TRRAP: variants seen among roughly 807,000 people sequenced by gnomAD.
TRRAP encodes transformation/transcription domain associated protein.
In TRRAP, 41 loss-of-function variants were observed where a neutral mutation model predicts 438.8. The ratio of observed to expected loss-of-function variants is 0.09; its 90% CI spans 0.07 to 0.12. The LOEUF is 0.12. Among genes scored for constraint, TRRAP ranks in the 10% least tolerant of loss-of-function variants. The pLI, the probability that TRRAP is intolerant of heterozygous loss-of-function variation, is 1.00. For synonymous variants in TRRAP, 1,994 were observed against 1,962.9 expected, an observed-to-expected ratio of 1.02 and a Z score of -0.42; for missense variants, 3,122 against 5,055.1, an observed-to-expected ratio of 0.62 and a Z score of 11.60.
Position 98,890,437 on chromosome 7 carries a change from C to G in TRRAP, c.253C>G (p.Pro85Ala). The change falls in exon 4 of 73, where the codon CCA becomes GCA. Residue 85 changes from proline to alanine, a missense_variant. Around this residue, in one of 24 missense-constraint regions of TRRAP, gnomAD observed 343 missense variants for 564.0 expected, o/e 0.61. Coordinates refer to ENST00000456197, the MANE Select transcript of TRRAP (RefSeq NM_001375524.1). ...AGAAGTTCAGTTTCTTCAGGAGAAA[C>G]CAGCACAGGTAATGTAAAAAAATAA... ...DGEVQFLQEKPAQQLRKLVLE... is the reference protein window; with the variant it reads ...DGEVQFLQEKAAQQLRKLVLE... 1 of 1,588,736 alleles carries G rather than the reference C, an allele frequency of 6.3e-7. No individual in the cohort carries two copies. Among genetic ancestry groups the G allele is most frequent in the Non-Finnish European group, 8.5e-7 (1 of 1,170,000 alleles).
At position 98,993,653 on chromosome 7, in the gene TRRAP, G is replaced by A; in HGVS notation, c.9963G>A (p.Gln3321=). The A allele has an allele frequency of 6.2e-7, 1 of 1,614,232 alleles. No individual in the cohort carries two copies. The highest frequency in any genetic ancestry group is 8.5e-7 in the Non-Finnish European group (1 of 1,180,046). Residue 3321 remains glutamine, a synonymous_variant, in exon 66 of 73, where the codon CAG becomes CAA. Transcript: ENST00000456197. ...MWRCSRIMHM[Q]RELHPTLLSS... ...GCTGCAGCCGAATCATGCACATGCAGCGAGAGCTCCACCCCACCCTTCTGT... is the reference window on the plus strand; with the variant it reads ...GCTGCAGCCGAATCATGCACATGCAACGAGAGCTCCACCCCACCCTTCTGT...
At chr7:98,909,056 T>TCTCAC in intron 14 of TRRAP, 94 bp downstream of exon 14, 1 of 1,187,960 alleles carries the variant, frequency 8.4e-7, no homozygotes, top group Admixed American at 2.5e-5. Context: ...CAGATCCTTG[T>TCTCAC]TCTGTTGCCT....
rs542944597 is a variant in TRRAP at position 99,012,478 on chromosome 7, G to A, written c.*123G>A. ...AAGCCCCATAGTTTCACTGGGTTGCGGTTATTTTCCTGGTAGTTTGCGTGT... is the reference window on the plus strand; with the variant it reads ...AAGCCCCATAGTTTCACTGGGTTGCAGTTATTTTCCTGGTAGTTTGCGTGT... On this transcript the variant is annotated 3_prime_UTR_variant, in exon 73 of 73. Transcript: ENST00000456197. This position sits in a 1 kb window ranked among gnomAD's most constrained non-coding sequence, Gnocchi z 5.9. 7.3e-5 allele frequency: 89 copies of A among 1,225,786 alleles called. 1 individual carries two copies. The South Asian group carries it at 1.1e-3, about 15-fold the overall frequency. The allele number at this position is 1,225,786 out of a possible 1,614,324, so 75.9% of individuals were successfully genotyped here. A position where few individuals can be genotyped will look rare whatever the true frequency, so the allele number is the denominator to read the frequency against.
At chr7:98,977,382 G>T (rs1206741912) in intron 56 of TRRAP, among the ~76,000 whole-genome samples, 1 of 152,102 alleles carries the variant, frequency 6.6e-6, no homozygotes, top group Non-Finnish European at 1.5e-5. Flanking sequence ...TGCTGGTCTC[G>T]AACTCCTGAC....
At chr7:98,964,582 G>A (rs761109208) in intron 47 of TRRAP, 47 bp from the exon 48 acceptor site, 59 of 1,589,864 alleles carry the variant, frequency 3.7e-5, no homozygotes, top group African/African-American at 1.8e-4. Flanking sequence ...TCTGTTTTTC[G>A]TGGTTGTTAC....
At chr7:98,900,586 T>G (rs782519155) in intron 10 of TRRAP, 38 bp from the exon 11 acceptor site, 1 of 1,542,262 alleles carries the variant, frequency 6.5e-7, no homozygotes, top group Non-Finnish European at 8.9e-7. Context: ...ACATCACTCA[T>G]AATTGAGAGG....
intron 3 of TRRAP, among the ~76,000 whole-genome samples, chr7:98,888,500 G>T (rs1451530793): frequency 3.3e-5 from 5 of 152,170 alleles, no homozygotes; most frequent in Non-Finnish European, 5.9e-5. Flanking sequence ...TCACGCCATT[G>T]CACTCCAGCC....
intron 41 of TRRAP, among the ~76,000 whole-genome samples, chr7:98,955,879 T>C (rs150692999): frequency 0.012 from 1,876 of 152,262 alleles, 22 homozygotes; most frequent in Non-Finnish European, 0.016. Flanking sequence ...TGAAGAGAAT[T>C]TGATTTTTCA....
chr7:98,962,472 C>G, intron 47 of TRRAP, 45 bp downstream of exon 47: 15 of 1,612,732 alleles, frequency 9.3e-6, no homozygotes, highest in Non-Finnish European at 1.3e-5. Context: ...TCAGTTTGGC[C>G]TCTTTCCCCG....
In TRRAP at chr7:98,930,268, T is replaced by C. The variant is rs1235928869; in HGVS notation, c.3393+62T>C. ...GGTGTCTGTACCTGAGAGTGGTCCT[T>C]CTAGAAACTGATAGTTTAAGAATTG... On this transcript the variant is annotated intron_variant, in intron 24 of 72. Transcript: ENST00000456197. 7 of 1,568,880 alleles carry C rather than the reference T, an allele frequency of 4.5e-6. No individual in the cohort carries two copies. In the Admixed American group the frequency reaches 1.0e-4, roughly 24 times the overall value.
intron 45 of TRRAP, among the ~76,000 whole-genome samples, chr7:98,959,772 C>T (rs1791794509): frequency 1.3e-5 from 2 of 151,798 alleles, no homozygotes; most frequent in African/African-American, 4.8e-5. Flanking sequence ...AAAGAGAAGA[C>T]AGAAAATTAG....
At chr7:98,962,948 A>G (rs1408771603) in intron 47 of TRRAP, among the ~76,000 whole-genome samples, 1 of 152,186 alleles carries the variant, frequency 6.6e-6, no homozygotes, top group Non-Finnish European at 1.5e-5. Context: ...TTTGTGGCAG[A>G]CACATGTCTT....
At chr7:98,978,185 G>A (rs1486628723) in intron 56 of TRRAP, 26 bp from the exon 57 acceptor site, 2 of 1,572,446 alleles carry the variant, frequency 1.3e-6, no homozygotes, top group South Asian at 2.2e-5. Context: ...GTTAAACAGT[G>A]ATTTAAAAAC....
intron 2 of TRRAP, chr7:98,881,625 G>A (rs1265092259): frequency 3.5e-6 from 1 of 288,468 alleles, no homozygotes; most frequent in Non-Finnish European, 6.5e-6. Context: ...TCTCAGCTCA[G>A]ATGTTGTGTA....
intron 53 of TRRAP, among the ~76,000 whole-genome samples, chr7:98,973,489 A>G (rs536250034): frequency 2.0e-5 from 3 of 152,296 alleles, no homozygotes; most frequent in South Asian, 4.2e-4. Flanking sequence ...TTACTCAACA[A>G]TATTTTTGTC....
chr7:98,897,351 A>G (rs1796264010), intron 7 of TRRAP, among the ~76,000 whole-genome samples: 1 of 152,186 alleles, frequency 6.6e-6, no homozygotes, highest in South Asian at 2.1e-4. Context: ...GAAGGGATGG[A>G]GTGCTTTCTT....
intron 48 of TRRAP, 133 bp downstream of exon 48, chr7:98,964,908 A>G: frequency 8.6e-7 from 1 of 1,166,766 alleles, no homozygotes; most frequent in Non-Finnish European, 1.1e-6. Context: ...GTAAATCGTT[A>G]CCATTTGCTC....
At position 99,012,369 on chromosome 7, in the gene TRRAP, G is replaced by A. The variant is rs375376388; in HGVS notation, c.*14G>A. 237 of 1,580,112 alleles carry A rather than the reference G, an allele frequency of 1.5e-4. 1 individual carries two copies. In the African/African-American group the frequency reaches 2.7e-3, roughly 18 times the overall value. On this transcript the variant is annotated 3_prime_UTR_variant, in exon 73 of 73. Coordinates refer to ENST00000456197, the MANE Select transcript of TRRAP (RefSeq NM_001375524.1). This position sits in a 1 kb window ranked among gnomAD's most constrained non-coding sequence, Gnocchi z 5.9. ...CCCTGGCTGTGACTGTGGCCGCCAC[G>A]GCCACCCGGAATGTGAAGGGCGCTC...
Position 98,930,149 on chromosome 7 carries a change from G to A in TRRAP, c.3336G>A (p.Glu1112=). ...AAAAGGAGCTTTGCAAAATCGGGGAGGTGGCCCTAGCTGTGATATTTGATG... is the reference window on the plus strand; with the variant it reads ...AAAAGGAGCTTTGCAAAATCGGGGAAGTGGCCCTAGCTGTGATATTTGATG... The part of the protein sequence containing the change: ...YEEKELCKIG[E]VALAVIFDVA... The change falls in exon 24 of 73, where the codon GAG becomes GAA. Residue 1112 remains glutamate, a synonymous_variant. Coordinates refer to ENST00000456197, the MANE Select transcript of TRRAP (RefSeq NM_001375524.1). 6.2e-7 allele frequency: 1 copy of A among 1,614,178 alleles called. No homozygotes were observed. Among genetic ancestry groups the A allele is most frequent in the Non-Finnish European group, 8.5e-7 (1 of 1,180,040 alleles).
Sources: allele counts gnomAD v4.1 joint callset (sites outside exome capture counted in the v4.1 genomes callset), GRCh38; gene constraint gnomAD v4.1.1; regional missense constraint gnomAD v4.1.1; non-coding constraint Gnocchi (gnomAD v3.1); transcripts MANE v1.5; gene names NCBI Gene and HGNC (gene_info 2026-07-23, HGNC 2026-07-21).